Variants in STPG1 observed in about 807,000 individuals in gnomAD.
STPG1 encodes O(6)-methylguanine-induced apoptosis 2.
A neutral mutation model predicts 40.1 loss-of-function variants in STPG1; 33 were observed. That is an observed-to-expected ratio of 0.82 (90% CI 0.62 to 1.10). The LOEUF (loss-of-function observed/expected upper bound fraction) is 1.10, where lower values mean the gene tolerates loss of function less well. Ranked by LOEUF, STPG1 falls within the 50% of genes least tolerant of loss-of-function variation. The pLI, the probability that STPG1 is intolerant of heterozygous loss-of-function variation, is 0.00. For synonymous variants in STPG1, 150 were observed against 155.0 expected (o/e 0.97, Z 0.24); for missense variants, 396 against 415.1 (o/e 0.95, Z 0.40).
chr1:24,411,254 T>G (rs1308484268), intron 1 of STPG1, among the ~76,000 whole-genome samples: 2 of 152,086 alleles, frequency 1.3e-5, no homozygotes, highest in East Asian at 3.8e-4. Flanking sequence ...TGAGAAAACT[T>G]AAGTTTGGTG....
Position 24,401,441 on chromosome 1 carries a change from A to C in STPG1, c.-53T>G. The C allele has an allele frequency of 6.6e-7, 1 of 1,513,858 alleles. No individual in the cohort carries two copies. The highest frequency in any genetic ancestry group is 9.2e-7 in the Non-Finnish European group (1 of 1,091,928). The allele number at this position is 1,513,858 out of a possible 1,614,324, so 93.8% of individuals were successfully genotyped here. ...TTTGTTTGATGAAAAGTTCTACTGC[A>C]TGTTCTCCTAAGCACCTGAAACAGC... On this transcript the variant is annotated 5_prime_UTR_variant, in exon 2 of 9. An upstream start codon of the reference 5' UTR is lost. Transcript: ENST00000337248.
chr1:24,405,404 TA>T (rs1643376010), intron 1 of STPG1, among the ~76,000 whole-genome samples: 1 of 152,264 alleles, frequency 6.6e-6, no homozygotes, highest in African/African-American at 2.4e-5. Context: ...ATTTCTTTTT[TA>T]CACATGGCTT....
At chr1:24,381,893 G>A (rs1642300579) in intron 4 of STPG1, among the ~76,000 whole-genome samples, 1 of 152,200 alleles carries the variant, frequency 6.6e-6, no homozygotes, top group Non-Finnish European at 1.5e-5. Flanking sequence ...GTTCACACGG[G>A]AATGAGGTAA....
At chr1:24,408,107 G>A (rs1339285701) in intron 1 of STPG1, among the ~76,000 whole-genome samples, 1 of 152,166 alleles carries the variant, frequency 6.6e-6, no homozygotes, top group East Asian at 1.9e-4. Context: ...CAAAGGATGT[G>A]GCACACTTTT....
At chr1:24,371,349 A>G (rs934635971) in intron 6 of STPG1, among the ~76,000 whole-genome samples, 1 of 152,144 alleles carries the variant, frequency 6.6e-6, no homozygotes, top group Non-Finnish European at 1.5e-5. Flanking sequence ...GCACTTTGGG[A>G]AGGCAAGGTG....
chr1:24,384,958 G>A (rs1256677256), intron 3 of STPG1, among the ~76,000 whole-genome samples: 2 of 152,170 alleles, frequency 1.3e-5, no homozygotes, highest in Non-Finnish European at 2.9e-5. Context: ...CTCACAACAA[G>A]CCTTTTACAG....
chr1:24,401,557 G>A, intron 1 of STPG1, 101 bp from the exon 2 acceptor site: 1 of 636,330 alleles, frequency 1.6e-6, no homozygotes, highest in African/African-American at 1.8e-5. Flanking sequence ...GAAATGGTGT[G>A]GGTGCCGGCT....
At chr1:24,395,683 C>T (rs994080950) in intron 2 of STPG1, among the ~76,000 whole-genome samples, 19 of 152,080 alleles carry the variant, frequency 1.2e-4, no homozygotes, top group African/African-American at 4.3e-4. Flanking sequence ...CTGCCCGCCC[C>T]GGCTTCTCAA....
At chr1:24,406,829 CAATTT>C (rs1243960274) in intron 1 of STPG1, among the ~76,000 whole-genome samples, 1 of 152,104 alleles carries the variant, frequency 6.6e-6, no homozygotes, top group East Asian at 1.9e-4. Context: ...TTTCATTCAG[CAATTT>C]GATTTTTCCT....
chr1:24,392,204 G>T, intron 2 of STPG1: 2 of 390,118 alleles, frequency 5.1e-6, no homozygotes, highest in Non-Finnish European at 7.0e-6. Context: ...CAGACATGGG[G>T]TTAAAAAGCA....
intron 5 of STPG1, chr1:24,379,163 C>T (rs1642166204): frequency 1.3e-5 from 2 of 159,666 alleles, no homozygotes; most frequent in African/African-American, 4.8e-5. Flanking sequence ...ACCAAACCTT[C>T]CTGAGTCCAT....
chr1:24,367,004 G>T (rs536315339), intron 7 of STPG1, among the ~76,000 whole-genome samples: 39 of 152,328 alleles, frequency 2.6e-4, no homozygotes, highest in Non-Finnish European at 5.0e-4. Context: ...CCTTTTATTT[G>T]TGAAGCATTG....
At chr1:24,374,232 C>A (rs72652538) in intron 5 of STPG1, among the ~76,000 whole-genome samples, 1,701 of 148,092 alleles carry the variant, frequency 0.011, 28 homozygotes, top group South Asian at 0.055. Flanking sequence ...CAGAGATCAC[C>A]GCTAGGAAAG....
In STPG1 at chr1:24,395,428, ATTT is replaced by A. The variant is rs71577706; in HGVS notation, c.71-3752_71-3750del. 2.1e-3 allele frequency among the ~76,000 whole-genome samples: 275 copies of A among 128,014 alleles called. 1 individual carries two copies. The highest frequency in any genetic ancestry group is 0.012 in the Middle Eastern group (3 of 254). 84.0% of individuals were successfully genotyped at this position (128,014 alleles called of 152,430 possible). ...TAAAATTATGAGTATAAATTGAACA[ATTT>A]TTTTTTTTTTTTTTTTTTTTAGACG... On this transcript the variant is annotated intron_variant, in intron 2 of 8. Coordinates refer to ENST00000337248, the MANE Select transcript of STPG1 (RefSeq NM_001199013.2).
At chr1:24,409,397 CCT>C (rs1643528630) in intron 1 of STPG1, among the ~76,000 whole-genome samples, 1 of 152,116 alleles carries the variant, frequency 6.6e-6, no homozygotes, top group Admixed American at 6.5e-5. Context: ...ATTTACCACC[CCT>C]CAGTGTTATA....
intron 7 of STPG1, among the ~76,000 whole-genome samples, chr1:24,365,533 TG>T (rs1019284188): frequency 1.3e-5 from 2 of 152,156 alleles, no homozygotes; most frequent in African/African-American, 4.8e-5. Flanking sequence ...GTCAGCAAGG[TG>T]GCCATGGCCA....
In STPG1 at chr1:24,369,823, G is replaced by A. The variant is rs150145249; in HGVS notation, c.588C>T (p.Asn196=). The change falls in exon 7 of 9, where the codon AAC becomes AAT. Residue 196 remains asparagine (N), a synonymous_variant. Transcript: ENST00000337248. ...KGPPPGHYDI[N]ESLVKQSPNT... ...TTGGCGACTGCTTCACAAGGGATTC[G>A]TTGATATCATAATGCCCTAAGGAGA... 60 of 1,606,286 alleles carry A rather than the reference G, an allele frequency of 3.7e-5. No homozygotes were observed. In the African/African-American group the frequency reaches 7.1e-4, roughly 19 times the overall value.
intron 3 of STPG1, among the ~76,000 whole-genome samples, chr1:24,385,396 G>A (rs1430412518): frequency 1.3e-5 from 2 of 152,134 alleles, no homozygotes; most frequent in Non-Finnish European, 2.9e-5. Context: ...GGCAGCAGGA[G>A]GCACTGTGGA....
chr1:24,379,928 A>G, intron 4 of STPG1, 105 bp from the exon 5 acceptor site: 1 of 1,130,574 alleles, frequency 8.8e-7, no homozygotes, highest in Non-Finnish European at 1.2e-6. Flanking sequence ...AATGCATTTT[A>G]TAAAAGGCGA....
Sources: gnomAD v4.1 joint callset for allele counts (sites outside exome capture counted in the v4.1 genomes callset) on GRCh38, gnomAD v4.1.1 for gene constraint, MANE v1.5 for transcripts, NCBI Gene and HGNC (gene_info 2026-07-23, HGNC 2026-07-21) for gene names.